UBR1: variants seen among roughly 807,000 people sequenced by gnomAD.
UBR1 encodes the protein ubiquitin protein ligase E3 component n-recognin 1, also known as E3 ubiquitin-protein ligase UBR1.
In UBR1, 102 loss-of-function variants were observed where a neutral mutation model predicts 242.1. The observed-to-expected ratio is 0.42, with a 90% CI of 0.36 to 0.50. The LOEUF is 0.50. Ranked by LOEUF, UBR1 falls within the 20% of genes least tolerant of loss-of-function variation. The pLI is 0.01. For missense variants in UBR1, 1,772 were observed against 2,101.8 expected (o/e 0.84, Z 3.07); for synonymous variants, 675 against 684.8 (o/e 0.99, Z 0.22).
At chr15:42,998,900 C>T (rs2032679698) in intron 32 of UBR1, among the ~76,000 whole-genome samples, 1 of 149,886 alleles carries the variant, frequency 6.7e-6, no homozygotes, top group Non-Finnish European at 1.5e-5. Context: ...TGTTGTGACT[C>T]AAACATGATC....
intron 1 of UBR1, among the ~76,000 whole-genome samples, chr15:43,090,249 G>C (rs2034091363): frequency 6.6e-6 from 1 of 151,948 alleles, no homozygotes. Context: ...TCTCAATTTG[G>C]TTAAATATTA....
chr15:42,966,048 G>T (rs1254981915), intron 41 of UBR1, 105 bp downstream of exon 41: 7 of 1,521,322 alleles, frequency 4.6e-6, no homozygotes, highest in Non-Finnish European at 5.4e-6. Context: ...GAAATGGGGA[G>T]AGGAGAAGTG....
At chr15:43,070,431 G>C (rs971719244) in intron 5 of UBR1, among the ~76,000 whole-genome samples, 3 of 152,024 alleles carry the variant, frequency 2.0e-5, no homozygotes, top group African/African-American at 7.3e-5. Flanking sequence ...CTTTGTTAAC[G>C]AACCTCCTGA....
chr15:43,026,428 A>T, intron 23 of UBR1, 133 bp downstream of exon 23: 2 of 688,928 alleles, frequency 2.9e-6, no homozygotes, highest in Non-Finnish European at 2.5e-6. Flanking sequence ...ATTCAATTTT[A>T]ATTCTTGGGT....
chr15:42,971,500 T>C lies in UBR1; in HGVS notation c.4370-893A>G, dbSNP rs186045927. Among the ~76,000 whole-genome samples the C allele has an allele frequency of 1.8e-4, 28 of 152,340 alleles. 1 individual carries two copies. The East Asian group carries it at 5.2e-3, about 28-fold the overall frequency. Reference sequence around the variant, plus strand: ...TGTAGTTTGCTGTGAGGTATAGTTATAGCACATTTGAGTAGTGCTCTGTTG... The same window carrying C: ...TGTAGTTTGCTGTGAGGTATAGTTACAGCACATTTGAGTAGTGCTCTGTTG... On this transcript the variant is annotated intron_variant, in intron 39 of 46. Coordinates refer to ENST00000290650, the MANE Select transcript of UBR1 (RefSeq NM_174916.3).
intron 6 of UBR1, among the ~76,000 whole-genome samples, chr15:43,062,609 A>T (rs541056518): frequency 6.6e-6 from 1 of 152,296 alleles, no homozygotes; most frequent in Middle Eastern, 3.4e-3. Context: ...ACCATTAAAA[A>T]TGTTATTGAT....
chr15:42,962,715 C>G (rs2032043826), intron 42 of UBR1, among the ~76,000 whole-genome samples: 1 of 152,120 alleles, frequency 6.6e-6, no homozygotes, highest in African/African-American at 2.4e-5. Context: ...GTCTCGAACT[C>G]CTGACCTCAG....
chr15:42,977,978 G>C, intron 37 of UBR1, 31 bp from the exon 38 acceptor site: 1 of 1,564,050 alleles, frequency 6.4e-7, no homozygotes, highest in Admixed American at 1.7e-5. Context: ...ATGTAATTCA[G>C]TCAGTAAGAT....
intron 13 of UBR1, 70 bp downstream of exon 13, chr15:43,048,322 C>T: frequency 1.6e-6 from 2 of 1,266,682 alleles, no homozygotes; most frequent in Non-Finnish European, 2.2e-6. Context: ...CCAAAATCTG[C>T]TTTAAAAAGA....
At chr15:42,999,216 G>A (rs1002709113) in intron 32 of UBR1, among the ~76,000 whole-genome samples, 3 of 152,176 alleles carry the variant, frequency 2.0e-5, no homozygotes, top group East Asian at 3.9e-4. Flanking sequence ...TGGGATTACA[G>A]GCGTGGGCCA....
At chr15:43,048,336 C>A (rs188101955) in intron 13 of UBR1, 56 bp downstream of exon 13, 4 of 1,367,510 alleles carry the variant, frequency 2.9e-6, no homozygotes, top group Admixed American at 2.0e-5. Flanking sequence ...AAAAAGACTG[C>A]GGTTCAATTT....
intron 30 of UBR1, among the ~76,000 whole-genome samples, chr15:43,006,824 A>G (rs1049729919): frequency 5.6e-4 from 85 of 152,206 alleles, no homozygotes; most frequent in African/African-American, 2.0e-3. Context: ...AAGGAAATAT[A>G]GCCAAAGCAA....
chr15:43,073,410 A>T (rs1279799886), intron 4 of UBR1, among the ~76,000 whole-genome samples: 1 of 152,212 alleles, frequency 6.6e-6, no homozygotes, highest in Non-Finnish European at 1.5e-5. Flanking sequence ...CTTATGGTTG[A>T]CAAAATGTTG....
At chr15:43,026,717 TA>T in intron 22 of UBR1, 54 bp from the exon 23 acceptor site, 1 of 1,459,478 alleles carries the variant, frequency 6.9e-7, no homozygotes, top group South Asian at 1.2e-5. Flanking sequence ...GTATAAAATA[TA>T]GACAAAATAA....
At chr15:42,985,068 G>GT in intron 35 of UBR1, 126 bp from the exon 36 acceptor site, 2 of 824,328 alleles carry the variant, frequency 2.4e-6, no homozygotes, top group South Asian at 4.8e-5. Flanking sequence ...CCCCTTCAAA[G>GT]TCTTGTGTTT....
intron 1 of UBR1, among the ~76,000 whole-genome samples, chr15:43,097,740 C>G (rs1170157104): frequency 1.3e-5 from 2 of 152,216 alleles, no homozygotes; most frequent in African/African-American, 2.4e-5. Flanking sequence ...TTCTCTCAGC[C>G]TTCGGAGAAC....
At chr15:42,978,732 C>CT (rs530091685) in intron 37 of UBR1, among the ~76,000 whole-genome samples, 1,489 of 134,178 alleles carry the variant, frequency 0.011, 8 homozygotes, top group African/African-American at 0.022. Context: ...CTTTTCTTTT[C>CT]TTTTTTTTTT....
rs746922418 is a variant in UBR1 at position 43,067,936 on chromosome 15, C to A, written c.760G>T (p.Ala254Ser). The A allele has an allele frequency of 5.9e-5, 96 of 1,613,694 alleles. No individual in the cohort carries two copies. The South Asian group carries it at 1.0e-3, about 17-fold the overall frequency. ...GCAGTGGTATGCAACTGGGCCTCTG[C>A]GAGCTCACAGTCAAGAGCTCTTTGT... ...SLQRALDCEL[A>S]EAQLHTTAID... Residue 254 changes from alanine (A) to serine (S), a missense_variant, in exon 6 of 47, where the codon GCA becomes TCA. Around this residue, in one of 3 missense-constraint regions of UBR1, gnomAD observed 734 missense variants for 893.3 expected, o/e 0.82. Coordinates refer to ENST00000290650, the MANE Select transcript of UBR1 (RefSeq NM_174916.3).
chr15:43,041,295 G>T (rs2033414359), intron 15 of UBR1, among the ~76,000 whole-genome samples: 1 of 152,158 alleles, frequency 6.6e-6, no homozygotes, highest in Admixed American at 6.5e-5. Context: ...CCTTTGTAGG[G>T]ACATGAATGA....
Sources: allele counts gnomAD v4.1 joint callset (sites outside exome capture counted in the v4.1 genomes callset), GRCh38; gene constraint gnomAD v4.1.1; regional missense constraint gnomAD v4.1.1; transcripts MANE v1.5; gene names NCBI Gene and HGNC (gene_info 2026-07-23, HGNC 2026-07-21).